Variants in CHODL observed in about 807,000 individuals in gnomAD.
CHODL encodes chondrolectin.
CHODL carries 29 observed loss-of-function variants against 34.5 expected under a neutral mutation model. That is an observed-to-expected ratio of 0.84 (90% confidence interval 0.63 to 1.15). CHODL has a LOEUF of 1.15. Ranked by LOEUF, CHODL falls within the 50% of genes most tolerant of loss-of-function variation. The pLI is 0.00. For missense variants in CHODL, 332 were observed against 332.5 expected, an observed-to-expected ratio of 1.00 and a Z score of 0.01; for synonymous variants, 125 against 116.1, an observed-to-expected ratio of 1.08 and a Z score of -0.49.
At chr21:18,181,525 C>T (rs2073381708) in intron 2 of CHODL, among the ~76,000 whole-genome samples, 2 of 152,178 alleles carry the variant, frequency 1.3e-5, no homozygotes, top group African/African-American at 4.8e-5. Flanking sequence ...GCCTCAGCCT[C>T]CCGAGTAGCT....
intron 2 of CHODL, among the ~76,000 whole-genome samples, chr21:18,121,353 G>A (rs1011755863): frequency 1.3e-5 from 2 of 152,124 alleles, no homozygotes; most frequent in African/African-American, 4.8e-5. Flanking sequence ...ATGTTGGGCT[G>A]CATTCAAAGT....
chr21:18,237,051 C>T (rs1049637536), intron 2 of CHODL, among the ~76,000 whole-genome samples: 2 of 151,968 alleles, frequency 1.3e-5, no homozygotes, highest in African/African-American at 4.8e-5. Flanking sequence ...TTTAAAAAAT[C>T]AGAGCAAGAA....
At chr21:18,126,999 A>G (rs906408330) in intron 2 of CHODL, among the ~76,000 whole-genome samples, 1 of 152,208 alleles carries the variant, frequency 6.6e-6, no homozygotes, top group Non-Finnish European at 1.5e-5. Flanking sequence ...CTTCTACTCC[A>G]ATAGACTTCT....
intron 1 of CHODL, among the ~76,000 whole-genome samples, chr21:17,925,445 G>T (rs1020177617): frequency 2.6e-5 from 4 of 152,168 alleles, no homozygotes; most frequent in Non-Finnish European, 5.9e-5. Flanking sequence ...CATTTGAAGT[G>T]TCAGAGGGCA....
chr21:18,167,455 G>A (rs765109044), intron 2 of CHODL, among the ~76,000 whole-genome samples: 1 of 151,602 alleles, frequency 6.6e-6, no homozygotes, highest in Non-Finnish European at 1.5e-5. Flanking sequence ...GACTACAGGC[G>A]ACCACCACCA....
chr21:18,207,025 T>A (rs1165497251), intron 2 of CHODL, among the ~76,000 whole-genome samples: 1 of 152,084 alleles, frequency 6.6e-6, no homozygotes, highest in East Asian at 1.9e-4. Flanking sequence ...CCTAACACTA[T>A]CCCTCCTCCA....
chr21:18,001,228 AC>A (rs2063902513), intron 1 of CHODL, among the ~76,000 whole-genome samples: 1 of 152,236 alleles, frequency 6.6e-6, no homozygotes, highest in Non-Finnish European at 1.5e-5. Flanking sequence ...GAGCCAAATG[AC>A]TTCTAGACTA....
intron 1 of CHODL, among the ~76,000 whole-genome samples, chr21:17,978,668 A>C (rs1047955741): frequency 1.3e-5 from 2 of 151,626 alleles, no homozygotes; most frequent in African/African-American, 4.8e-5. Context: ...CAGTGAGCCG[A>C]GATCATGCCA....
chr21:18,129,871 A>G (rs1296204445), intron 2 of CHODL, among the ~76,000 whole-genome samples: 1 of 146,232 alleles, frequency 6.8e-6, no homozygotes, highest in African/African-American at 2.6e-5. Context: ...CATCTTTAGT[A>G]TTCTCTCTCT....
At chr21:17,937,954 G>A (rs2063330905) in intron 1 of CHODL, among the ~76,000 whole-genome samples, 1 of 152,104 alleles carries the variant, frequency 6.6e-6, no homozygotes, top group East Asian at 1.9e-4. Flanking sequence ...AAAGTCTACT[G>A]GGCAAGTTCC....
At chr21:18,175,425 C>CT (rs1233648399) in intron 2 of CHODL, among the ~76,000 whole-genome samples, 1 of 151,952 alleles carries the variant, frequency 6.6e-6, no homozygotes, top group Non-Finnish European at 1.5e-5. Flanking sequence ...AATCCCATAT[C>CT]TACTAAAAAT....
intron 2 of CHODL, among the ~76,000 whole-genome samples, chr21:18,090,307 T>C (rs1162772094): frequency 6.6e-6 from 1 of 152,186 alleles, no homozygotes; most frequent in East Asian, 1.9e-4. Flanking sequence ...CTTTTGTCTA[T>C]TTAGGAGACC....
At chr21:18,152,255 A>T (rs2072979444) in intron 2 of CHODL, among the ~76,000 whole-genome samples, 1 of 152,230 alleles carries the variant, frequency 6.6e-6, no homozygotes, top group Admixed American at 6.5e-5. Context: ...CTATAGTGTC[A>T]TCTACAAAAT....
chr21:18,101,841 T>G (rs1441409369), intron 2 of CHODL, among the ~76,000 whole-genome samples: 1 of 152,096 alleles, frequency 6.6e-6, no homozygotes, highest in Admixed American at 6.6e-5. Context: ...TATATTTAGT[T>G]TCCATAATGA....
intron 2 of CHODL, among the ~76,000 whole-genome samples, chr21:18,138,618 A>G (rs2072765924): frequency 6.6e-6 from 1 of 152,220 alleles, no homozygotes; most frequent in Non-Finnish European, 1.5e-5. Context: ...TAGATCAATC[A>G]AAGAGAATTT....
intron 2 of CHODL, among the ~76,000 whole-genome samples, chr21:18,232,258 C>A (rs2073986724): frequency 6.6e-6 from 1 of 152,002 alleles, no homozygotes; most frequent in Non-Finnish European, 1.5e-5. Flanking sequence ...ATACTGATTT[C>A]TTAATACATA....
At chr21:18,178,464 T>G (rs368266728) in intron 2 of CHODL, among the ~76,000 whole-genome samples, 1 of 152,306 alleles carries the variant, frequency 6.6e-6, no homozygotes, top group African/African-American at 2.4e-5. Context: ...AAAATTTATG[T>G]ATAACTTTTG....
At chr21:18,032,155 G>T (rs2064255276) in intron 2 of CHODL, among the ~76,000 whole-genome samples, 2 of 152,008 alleles carry the variant, frequency 1.3e-5, no homozygotes, top group Admixed American at 1.3e-4. Context: ...GTACAACATG[G>T]CAACTGTGGT....
chr21:18,084,587 A>G (rs985235411), intron 2 of CHODL, among the ~76,000 whole-genome samples: 7 of 152,132 alleles, frequency 4.6e-5, no homozygotes. Context: ...GAAGGTCTTC[A>G]TTGTATTGAT....
Sources: allele counts gnomAD v4.1 joint callset (sites outside exome capture counted in the v4.1 genomes callset), GRCh38; gene constraint gnomAD v4.1.1; transcripts MANE v1.5; gene names NCBI Gene and HGNC (gene_info 2026-07-23, HGNC 2026-07-21).